NLGN1: variants seen among roughly 807,000 people sequenced by gnomAD.
The protein encoded by NLGN1 is neuroligin-1.
Under a neutral mutation model 65.5 loss-of-function variants are expected in NLGN1, and 12 were observed. That is an observed-to-expected ratio of 0.18 (90% confidence interval 0.12 to 0.30). The LOEUF (loss-of-function observed/expected upper bound fraction) is 0.30, where lower values mean the gene tolerates loss of function less well. Ranked by LOEUF, NLGN1 falls within the 10% of genes least tolerant of loss-of-function variation. NLGN1 has a pLI of 1.00. For synonymous variants in NLGN1, 350 were observed against 359.5 expected (o/e 0.97, Z 0.30); for missense variants, 750 against 1,007.1 (o/e 0.74, Z 3.46).
chr3:173,552,174 C>T (rs1319732137), intron 2 of NLGN1, among the ~76,000 whole-genome samples: 1 of 152,092 alleles, frequency 6.6e-6, no homozygotes, highest in Admixed American at 6.5e-5. Flanking sequence ...TATTTTCACC[C>T]TCATGAAAAT....
At chr3:173,540,224 G>C (rs560037991) in intron 2 of NLGN1, among the ~76,000 whole-genome samples, 72 of 152,186 alleles carry the variant, frequency 4.7e-4, no homozygotes, top group African/African-American at 1.6e-3. Context: ...CAGCATCCCT[G>C]TCTGCCACTG....
rs548838656 is a variant in NLGN1 at position 173,977,088 on chromosome 3, A to C, written c.646+169256A>C. 5.6e-5 allele frequency among the ~76,000 whole-genome samples: 8 copies of C among 143,454 alleles called. No homozygotes were observed. In the South Asian group the frequency reaches 1.1e-3, roughly 20 times the overall value. The allele number at this position is 143,454 out of a possible 152,430, so 94.1% of individuals were successfully genotyped here. ...ATAAAGACTACTGAAGTGGAGGAAAAAGATACACACACACACACGCACACA... is the reference window on the plus strand; with the variant it reads ...ATAAAGACTACTGAAGTGGAGGAAACAGATACACACACACACACGCACACA... On this transcript the variant is annotated intron_variant, in intron 4 of 6. Coordinates refer to ENST00000457714, the Ensembl canonical transcript of NLGN1.
chr3:173,570,803 A>C (rs1744527625), intron 2 of NLGN1, among the ~76,000 whole-genome samples: 1 of 152,186 alleles, frequency 6.6e-6, no homozygotes, highest in African/African-American at 2.4e-5. Flanking sequence ...TCCCAGGTTC[A>C]AGCGATTCTT....
At chr3:174,002,615 A>G (rs1341942295) in intron 4 of NLGN1, among the ~76,000 whole-genome samples, 3 of 152,178 alleles carry the variant, frequency 2.0e-5, no homozygotes, top group Non-Finnish European at 4.4e-5. Flanking sequence ...TGAAATAGCT[A>G]ATAGGTAGAA....
intron 3 of NLGN1, among the ~76,000 whole-genome samples, chr3:173,666,691 G>A (rs1023622190): frequency 1.3e-5 from 2 of 152,126 alleles, no homozygotes; most frequent in African/African-American, 4.8e-5. Context: ...TGTCCTGAAG[G>A]TGAAAACTCT....
Position 174,281,404 on chromosome 3 carries a change from A to AG in NLGN1, c.*103dup, listed in dbSNP as rs201831662. 1,179 of 748,230 alleles carry AG rather than the reference A, an allele frequency of 1.6e-3. 7 individuals carry two copies. The African/African-American group carries it at 0.019, about 12-fold the overall frequency. The allele number at this position is 748,230 out of a possible 1,614,324, so 46.3% of individuals were successfully genotyped here. On this transcript the variant is annotated 3_prime_UTR_variant, in exon 7 of 7. Transcript: ENST00000457714. ...TACAAGACTTACTATTTAAATAAGG[A>AG]GGAATATTATGTGAATATACATATC... is the stretch of plus-strand genomic sequence containing the variant.
At chr3:173,786,625 C>T (rs1208402113) in intron 3 of NLGN1, among the ~76,000 whole-genome samples, 1 of 151,954 alleles carries the variant, frequency 6.6e-6, no homozygotes, top group Admixed American at 6.6e-5. Flanking sequence ...ACACTACTGC[C>T]GTGCTTAATA....
intron 4 of NLGN1, among the ~76,000 whole-genome samples, chr3:174,249,993 A>G (rs1241532588): frequency 6.6e-6 from 1 of 152,222 alleles, no homozygotes; most frequent in Admixed American, 6.5e-5. Context: ...AGTGTTCAGC[A>G]GAGAGATACT....
At chr3:173,650,012 A>G (rs375968240) in intron 3 of NLGN1, among the ~76,000 whole-genome samples, 162 of 152,216 alleles carry the variant, frequency 1.1e-3, no homozygotes, top group African/African-American at 3.8e-3. Context: ...AAAAAAACCT[A>G]AATTTATATT....
chr3:174,231,760 C>T (rs1740744700), intron 4 of NLGN1, among the ~76,000 whole-genome samples: 1 of 152,162 alleles, frequency 6.6e-6, no homozygotes, highest in South Asian at 2.1e-4. Flanking sequence ...GCTCCCAAGT[C>T]ACGCCAGCCT....
At chr3:173,514,262 G>A (rs928788427) in intron 2 of NLGN1, among the ~76,000 whole-genome samples, 1 of 151,960 alleles carries the variant, frequency 6.6e-6, no homozygotes, top group South Asian at 2.1e-4. Context: ...GTTTTTTAGG[G>A]TACAGGTGGT....
At position 174,039,438 on chromosome 3, in the gene NLGN1, G is replaced by A. The variant is rs1003737565; in HGVS notation, c.646+231606G>A. 4.3e-4 allele frequency among the ~76,000 whole-genome samples: 65 copies of A among 151,700 alleles called. 1 individual carries two copies. The highest frequency in any genetic ancestry group is 1.4e-3 in the African/African-American group (59 of 41,270). On this transcript the variant is annotated intron_variant, in intron 4 of 6. Transcript: ENST00000457714. ...TCTCTCCCCTTGCCCCCCATCCTCCGACAGGCCCCAGTGTGTGAAGTTCCC... is the reference window on the plus strand; with the variant it reads ...TCTCTCCCCTTGCCCCCCATCCTCCAACAGGCCCCAGTGTGTGAAGTTCCC...
intron 2 of NLGN1, among the ~76,000 whole-genome samples, chr3:173,567,922 A>G (rs1041728593): frequency 6.6e-6 from 1 of 152,154 alleles, no homozygotes; most frequent in Non-Finnish European, 1.5e-5. Flanking sequence ...AACTATTAAC[A>G]GTAATTTGAA....
chr3:173,858,983 G>C lies in NLGN1; in HGVS notation c.646+51151G>C, dbSNP rs141733186. Among the ~76,000 whole-genome samples the C allele has an allele frequency of 2.5e-3, 383 of 152,092 alleles. 1 individual carries two copies. Among genetic ancestry groups the C allele is most frequent in the Non-Finnish European group, 4.6e-3 (315 of 67,916 alleles). On this transcript the variant is annotated intron_variant, in intron 4 of 6. Transcript: ENST00000457714. ...TAAAACTTTCTAAGCTTTTGTATTA[G>C]AGAAAATCATAATGTAAATTAATGA...
chr3:174,083,961 T>C (rs7639877), intron 4 of NLGN1, among the ~76,000 whole-genome samples: 38,343 of 152,072 alleles, frequency 0.25, 6,908 homozygotes, highest in African/African-American at 0.52. Flanking sequence ...TGTAGAGGGA[T>C]AAACAGCCTC....
At chr3:174,049,232 T>A (rs1364643358) in intron 4 of NLGN1, among the ~76,000 whole-genome samples, 1 of 152,056 alleles carries the variant, frequency 6.6e-6, no homozygotes, top group Non-Finnish European at 1.5e-5. Context: ...TGTAACGCAG[T>A]AGCTATTGAT....
chr3:174,259,202 C>G (rs1746369337), intron 4 of NLGN1, among the ~76,000 whole-genome samples: 1 of 152,010 alleles, frequency 6.6e-6, no homozygotes, highest in African/African-American at 2.4e-5. Flanking sequence ...TATACATTAC[C>G]CAGACCTTAT....
chr3:174,283,559 A>G (rs1262030614), exon 7 of NLGN1: 1 of 151,472 alleles, frequency 6.6e-6, no homozygotes, highest in Non-Finnish European at 1.5e-5. Context: ...TAATGAATAG[A>G]AAGTTGCCAT....
At chr3:174,050,266 A>G (rs1295608141) in intron 4 of NLGN1, among the ~76,000 whole-genome samples, 2 of 152,108 alleles carry the variant, frequency 1.3e-5, no homozygotes, top group African/African-American at 4.8e-5. Context: ...GTAGGCTACT[A>G]TGGCATTGAC....
Sources: allele counts gnomAD v4.1 joint callset (sites outside exome capture counted in the v4.1 genomes callset), GRCh38; gene constraint gnomAD v4.1.1; transcripts MANE v1.5; gene names NCBI Gene and HGNC (gene_info 2026-07-23, HGNC 2026-07-21).